The following NXPH2 variants were observed in gnomAD, a reference collection of about 807,000 sequenced individuals.
NXPH2 encodes neurexophilin-2.
In NXPH2, 5 loss-of-function variants were observed where a neutral mutation model predicts 19.8. That is an observed-to-expected ratio of 0.25 (90% CI 0.13 to 0.53). The LOEUF (loss-of-function observed/expected upper bound fraction) is 0.53, where lower values mean the gene tolerates loss of function less well. Ranked by LOEUF, NXPH2 falls within the 20% of genes least tolerant of loss-of-function variation. NXPH2 has a pLI of 0.96. For synonymous variants in NXPH2, 154 were observed against 127.4 expected (o/e 1.21, Z -1.41); for missense variants, 289 against 322.8 (o/e 0.90, Z 0.80).
At chr2:138,718,810 A>C (rs1450225190) in intron 1 of NXPH2, among the ~76,000 whole-genome samples, 1 of 152,196 alleles carries the variant, frequency 6.6e-6, no homozygotes, top group Non-Finnish European at 1.5e-5. Flanking sequence ...AAGTTGGTTC[A>C]AAAGCTTTGA....
intron 1 of NXPH2, among the ~76,000 whole-genome samples, chr2:138,708,481 C>G (rs551575333): frequency 6.5e-4 from 99 of 152,314 alleles, no homozygotes; most frequent in African/African-American, 2.1e-3. Context: ...CAAATTAATG[C>G]TGCATTCACT....
chr2:138,680,089 A>G (rs1208592438), intron 1 of NXPH2, among the ~76,000 whole-genome samples: 1 of 152,166 alleles, frequency 6.6e-6, no homozygotes, highest in East Asian at 1.9e-4. Context: ...AGCAGGGAAG[A>G]GCAAGAGACA....
In NXPH2 at chr2:138,694,505, A is replaced by G. The variant is rs370389588; in HGVS notation, c.52-22840T>C. ...AGTCAGAGATTGGAGTTACGCTGCC[A>G]CAAACCAAGGAACATTTGGGGCTAC... On this transcript the variant is annotated intron_variant, in intron 1 of 1. Transcript: ENST00000272641. Among the ~76,000 whole-genome samples the G allele has an allele frequency of 1.7e-4, 26 of 152,292 alleles. No individual in the cohort carries two copies. The South Asian group carries it at 2.9e-3, about 17-fold the overall frequency.
chr2:138,687,014 T>C (rs1227595908), intron 1 of NXPH2, among the ~76,000 whole-genome samples: 3 of 152,178 alleles, frequency 2.0e-5, no homozygotes, highest in Admixed American at 6.5e-5. Context: ...AATAAACATA[T>C]GTGTGCATGT....
rs117341952 is a variant in NXPH2, at chr2:138,673,517, C to T, written c.52-1852G>A. Among the ~76,000 whole-genome samples the T allele has an allele frequency of 1.1e-4, 16 of 152,206 alleles. No individual in the cohort carries two copies. In the East Asian group the frequency reaches 2.9e-3, roughly 28 times the overall value. Reference sequence around the variant, plus strand: ...ATTTATCACTACTATGTATTGGGAACATTTCAAGTCCTCCCTTCAAACTAC... The same window carrying T: ...ATTTATCACTACTATGTATTGGGAATATTTCAAGTCCTCCCTTCAAACTAC... On this transcript the variant is annotated intron_variant, in intron 1 of 1. Coordinates refer to ENST00000272641, the MANE Select transcript of NXPH2 (RefSeq NM_007226.3).
chr2:138,706,683 G>A (rs904616216), intron 1 of NXPH2, among the ~76,000 whole-genome samples: 4 of 152,098 alleles, frequency 2.6e-5, no homozygotes, highest in African/African-American at 9.7e-5. Context: ...AGGCCAAAGC[G>A]GGAAGATTGC....
intron 1 of NXPH2, among the ~76,000 whole-genome samples, chr2:138,706,752 A>G (rs1681021155): frequency 1.3e-5 from 2 of 151,540 alleles, no homozygotes; most frequent in African/African-American, 4.8e-5. Context: ...TTTTTTTTTT[A>G]AGTAGGCAGG....
intron 1 of NXPH2, among the ~76,000 whole-genome samples, chr2:138,702,362 C>T (rs906940650): frequency 1.3e-5 from 2 of 152,172 alleles, no homozygotes; most frequent in African/African-American, 4.8e-5. Context: ...CCAAGTGATC[C>T]TCTCACCTTG....
At chr2:138,767,845 T>C (rs1182888770) in intron 1 of NXPH2, among the ~76,000 whole-genome samples, 1 of 152,134 alleles carries the variant, frequency 6.6e-6, no homozygotes, top group Non-Finnish European at 1.5e-5. Flanking sequence ...TCTGGAGCTC[T>C]TCACTGGATT....
intron 1 of NXPH2, among the ~76,000 whole-genome samples, chr2:138,679,157 A>G (rs1219958027): frequency 6.6e-6 from 1 of 152,232 alleles, no homozygotes; most frequent in Admixed American, 6.5e-5. Context: ...AATAACGAAA[A>G]CTAAACAAAA....
At chr2:138,707,996 T>C (rs1393433706) in intron 1 of NXPH2, among the ~76,000 whole-genome samples, 1 of 152,184 alleles carries the variant, frequency 6.6e-6, no homozygotes, top group Non-Finnish European at 1.5e-5. Flanking sequence ...TCCATTTCTC[T>C]CTTACTGAAA....
chr2:138,700,440 C>T (rs1010448653), intron 1 of NXPH2, among the ~76,000 whole-genome samples: 1 of 151,942 alleles, frequency 6.6e-6, no homozygotes, highest in Non-Finnish European at 1.5e-5. Flanking sequence ...GGGTATCAAG[C>T]CACATAAATA....
At chr2:138,703,336 A>T (rs893761857) in intron 1 of NXPH2, among the ~76,000 whole-genome samples, 9 of 152,204 alleles carry the variant, frequency 5.9e-5, no homozygotes, top group African/African-American at 2.2e-4. Flanking sequence ...CTGTTGTTGA[A>T]AAATCAGCAG....
At chr2:138,757,813 TTATCTATCTATCTATCTATCTATCTATC>T (rs57043046) in intron 1 of NXPH2, among the ~76,000 whole-genome samples, 3 of 147,488 alleles carry the variant, frequency 2.0e-5, no homozygotes, top group Admixed American at 6.8e-5. Flanking sequence ...GTGTGTTTCT[TTATCTATCTATCTATCTATCTATCTATC>T]TATCTATCTA....
At chr2:138,732,785 T>G (rs1681472010) in intron 1 of NXPH2, among the ~76,000 whole-genome samples, 2 of 152,214 alleles carry the variant, frequency 1.3e-5, no homozygotes, top group South Asian at 2.1e-4. Context: ...ACACTGTACC[T>G]CTTCCTGGTT....
intron 1 of NXPH2, among the ~76,000 whole-genome samples, chr2:138,768,292 G>A (rs1682123792): frequency 6.6e-6 from 1 of 152,136 alleles, no homozygotes. Context: ...AGATCATGTG[G>A]ATTAATATGA....
chr2:138,708,014 T>C (rs1681043358), intron 1 of NXPH2, among the ~76,000 whole-genome samples: 1 of 152,214 alleles, frequency 6.6e-6, no homozygotes, highest in African/African-American at 2.4e-5. Flanking sequence ...AAATAATTTG[T>C]GATGGCAGTC....
chr2:138,780,146 A>T, intron 1 of NXPH2, 45 bp downstream of exon 1: 3 of 1,466,866 alleles, frequency 2.0e-6, no homozygotes, highest in Non-Finnish European at 2.7e-6. Flanking sequence ...TTCCCGCCGA[A>T]ACGCGTCCCC....
chr2:138,725,958 A>G (rs962222934), intron 1 of NXPH2, among the ~76,000 whole-genome samples: 4 of 152,066 alleles, frequency 2.6e-5, no homozygotes, highest in African/African-American at 9.7e-5. Context: ...CTATATCTGG[A>G]TATTCTAGGT....
Sources: allele counts gnomAD v4.1 joint callset (sites outside exome capture counted in the v4.1 genomes callset), GRCh38; gene constraint gnomAD v4.1.1; transcripts MANE v1.5; gene names NCBI Gene and HGNC (gene_info 2026-07-23, HGNC 2026-07-21).